UGP2: variants seen among roughly 807,000 people sequenced by gnomAD.
UGP2 encodes the protein UTP--glucose-1-phosphate uridylyltransferase.
A neutral mutation model predicts 49.0 loss-of-function variants in UGP2; 40 were observed. The ratio of observed to expected loss-of-function variants is 0.82; its 90% CI spans 0.63 to 1.06. UGP2 has a LOEUF of 1.06. Ranked by LOEUF, UGP2 falls within the 50% of genes least tolerant of loss-of-function variation. The probability of loss-of-function intolerance (pLI) is 0.00; values close to 1 mark genes in which losing one functional copy is unlikely to be tolerated. For missense variants in UGP2, 460 were observed against 603.5 expected, an observed-to-expected ratio of 0.76 and a Z score of 2.49; for synonymous variants, 225 against 213.0, an observed-to-expected ratio of 1.06 and a Z score of -0.49.
At position 63,857,765 on chromosome 2, in the gene UGP2, TC is replaced by T. The variant is rs1340670085; in HGVS notation, c.148-63del. The T allele has an allele frequency of 3.4e-6, 5 of 1,450,530 alleles. No individual in the cohort carries two copies. In the African/African-American group the frequency reaches 7.1e-5, roughly 21 times the overall value. The allele number at this position is 1,450,530 out of a possible 1,614,324, so 89.9% of individuals were successfully genotyped here. A position where few individuals can be genotyped will look rare whatever the true frequency, so the allele number is the denominator to read the frequency against. Reference sequence around the variant, plus strand: ...ATTTTAAATGTGTAACTTGTATCTGTCTTTATGTTTTTATTAAATATTAAGC... The same window carrying T: ...ATTTTAAATGTGTAACTTGTATCTGTTTTATGTTTTTATTAAATATTAAGC... On this transcript the variant is annotated intron_variant, in intron 2 of 9. Coordinates refer to ENST00000337130, the MANE Select transcript of UGP2 (RefSeq NM_006759.4).
At chr2:63,864,245 A>G (rs576764128) in intron 3 of UGP2, among the ~76,000 whole-genome samples, 1 of 152,298 alleles carries the variant, frequency 6.6e-6, no homozygotes, top group South Asian at 2.1e-4. Flanking sequence ...TTTACAAAAG[A>G]GGAAACTGAA....
chr2:63,882,785 G>T, intron 4 of UGP2, 134 bp downstream of exon 4: 3 of 1,004,556 alleles, frequency 3.0e-6, no homozygotes, highest in Non-Finnish European at 4.0e-6. Context: ...CTCTTTATTG[G>T]TGGAAAAAAG....
At chr2:63,842,997 A>G (rs1230846873) in intron 1 of UGP2, among the ~76,000 whole-genome samples, 4 of 152,206 alleles carry the variant, frequency 2.6e-5, no homozygotes, top group Non-Finnish European at 4.4e-5. Flanking sequence ...GTATGCAAGT[A>G]AACTCTTTCC....
In UGP2 at chr2:63,873,803, A is replaced by G. The variant is rs370516597; in HGVS notation, c.256-8663A>G. On this transcript the variant is annotated intron_variant, in intron 3 of 9. Coordinates refer to ENST00000337130, the MANE Select transcript of UGP2 (RefSeq NM_006759.4). The stretch of plus-strand genomic sequence containing the variant: ...CTTCCGCTTAGGATTAGATTCAGCT[A>G]CATAGGATAGAGAAACCCAGAATAA... 9.2e-5 allele frequency among the ~76,000 whole-genome samples: 14 copies of G among 152,296 alleles called. 1 individual carries two copies. The South Asian group carries it at 2.9e-3, about 32-fold the overall frequency.
chr2:63,885,554 G>T, intron 5 of UGP2, 35 bp from the exon 6 acceptor site: 2 of 1,490,480 alleles, frequency 1.3e-6, no homozygotes, highest in Non-Finnish European at 1.8e-6. Context: ...GCTCTACAGG[G>T]TCAATATTGA....
intron 2 of UGP2, chr2:63,856,865 T>G (rs1343646028): frequency 4.4e-6 from 2 of 455,852 alleles, no homozygotes; most frequent in Non-Finnish European, 8.8e-6. Flanking sequence ...ATTTACTTTT[T>G]TACTTGTAAA....
At chr2:63,887,308 A>T in intron 7 of UGP2, 94 bp from the exon 8 acceptor site, 4 of 1,492,586 alleles carry the variant, frequency 2.7e-6, no homozygotes, top group Non-Finnish European at 3.6e-6. Flanking sequence ...TGGATCTCTG[A>T]AATCACTTCC....
chr2:63,885,204 A>G (rs999493209), intron 5 of UGP2, among the ~76,000 whole-genome samples: 8 of 151,974 alleles, frequency 5.3e-5, no homozygotes, highest in Non-Finnish European at 4.4e-5. Flanking sequence ...GAATATATCC[A>G]TTTGTAAGAA....
intron 3 of UGP2, among the ~76,000 whole-genome samples, chr2:63,869,056 A>G (rs926124199): frequency 6.6e-6 from 1 of 152,192 alleles, no homozygotes; most frequent in Admixed American, 6.5e-5. Context: ...AACTGTATGT[A>G]TATTAGTAGA....
At position 63,857,980 on chromosome 2, in the gene UGP2, G is replaced by A. The variant is rs10183479; in HGVS notation, c.255+44G>A. On this transcript the variant is annotated intron_variant, in intron 3 of 9. Coordinates refer to ENST00000337130, the MANE Select transcript of UGP2 (RefSeq NM_006759.4). ...GTAGGAAAATGTAGGGTAATCTTGG[G>A]CACTGGTTTTAACTTAGGACGGTTG... 1,297,753 of 1,582,402 alleles carry A rather than the reference G, an allele frequency of 0.82. 533,109 individuals carry two copies. Among genetic ancestry groups the A allele is most frequent in the East Asian group, 0.92 (41,250 of 44,596 alleles).
chr2:63,853,225 C>G (rs899265693), intron 1 of UGP2, among the ~76,000 whole-genome samples: 1 of 152,044 alleles, frequency 6.6e-6, no homozygotes, highest in African/African-American at 2.4e-5. Flanking sequence ...GAGGAATATT[C>G]ACAAATAACT....
intron 3 of UGP2, among the ~76,000 whole-genome samples, chr2:63,878,808 C>T (rs924996779): frequency 2.6e-5 from 4 of 152,110 alleles, no homozygotes; most frequent in Non-Finnish European, 4.4e-5. Flanking sequence ...TTAAGTGATC[C>T]TCCTGCCTCA....
intron 1 of UGP2, chr2:63,855,423 G>A (rs1164000339): frequency 2.1e-6 from 1 of 481,482 alleles, no homozygotes; most frequent in South Asian, 1.5e-5. Context: ...TATTTTATGA[G>A]AAGTAAATAA....
In UGP2 at chr2:63,882,368, G is replaced by A. The variant is rs567964192; in HGVS notation, c.256-98G>A. On this transcript the variant is annotated intron_variant, in intron 3 of 9. Coordinates refer to ENST00000337130, the MANE Select transcript of UGP2 (RefSeq NM_006759.4). ...GATTAAAACTTTCCACAGAGAAACC[G>A]AAACTTTATGGAAGCATGGAAATAA... 40 of 1,171,048 alleles carry A rather than the reference G, an allele frequency of 3.4e-5. No homozygotes were observed. The South Asian group carries it at 7.1e-4, about 21-fold the overall frequency. The allele number at this position is 1,171,048 out of a possible 1,614,324, so 72.5% of individuals were successfully genotyped here.
intron 1 of UGP2, among the ~76,000 whole-genome samples, chr2:63,849,093 G>GT (rs1161924320): frequency 3.3e-5 from 5 of 152,074 alleles, no homozygotes; most frequent in Non-Finnish European, 7.4e-5. Context: ...ATTTCTGTTA[G>GT]TTTTTTCTGT....
intron 3 of UGP2, among the ~76,000 whole-genome samples, chr2:63,858,838 C>T (rs1432526652): frequency 6.6e-6 from 1 of 151,876 alleles, no homozygotes; most frequent in Non-Finnish European, 1.5e-5. Flanking sequence ...TGTTTGGGAA[C>T]AGCCTAAAAT....
chr2:63,843,643 A>G (rs1294000615), intron 1 of UGP2, among the ~76,000 whole-genome samples: 2 of 152,242 alleles, frequency 1.3e-5, no homozygotes, highest in African/African-American at 2.4e-5. Context: ...AGAAGATTCA[A>G]AATCAAGTGG....
At chr2:63,848,653 C>T (rs758893117) in intron 1 of UGP2, among the ~76,000 whole-genome samples, 1 of 152,218 alleles carries the variant, frequency 6.6e-6, no homozygotes, top group Non-Finnish European at 1.5e-5. Flanking sequence ...TGAGCCACTG[C>T]GCCCAGCCAA....
chr2:63,863,497 T>TA (rs1276680200), intron 3 of UGP2, among the ~76,000 whole-genome samples: 1 of 152,192 alleles, frequency 6.6e-6, no homozygotes, highest in Non-Finnish European at 1.5e-5. Flanking sequence ...GGGCAGTAGT[T>TA]ACATGAGTTT....
Sources: gnomAD v4.1 joint callset for allele counts (sites outside exome capture counted in the v4.1 genomes callset) on GRCh38, gnomAD v4.1.1 for gene constraint, MANE v1.5 for transcripts, NCBI Gene and HGNC (gene_info 2026-07-23, HGNC 2026-07-21) for gene names.